ATF7IP2: variants seen among roughly 807,000 people sequenced by gnomAD.
ATF7IP2 encodes the protein activating transcription factor 7-interacting protein 2.
In ATF7IP2, 42 loss-of-function variants were observed where a neutral mutation model predicts 64.2. That is an observed-to-expected ratio of 0.65 (90% confidence interval 0.51 to 0.85). ATF7IP2 has a LOEUF of 0.85. Ranked by LOEUF, ATF7IP2 falls within the 40% of genes least tolerant of loss-of-function variation. ATF7IP2 has a pLI of 0.00. For missense variants in ATF7IP2, 933 were observed against 784.2 expected (o/e 1.19, Z -2.27); for synonymous variants, 308 against 272.8 (o/e 1.13, Z -1.27).
intron 1 of ATF7IP2, among the ~76,000 whole-genome samples, chr16:10,405,528 G>A (rs1467281996): frequency 1.3e-5 from 2 of 152,140 alleles, no homozygotes; most frequent in Non-Finnish European, 2.9e-5. Flanking sequence ...AGGGGCTTGG[G>A]CCGTGAGAAA....
At chr16:10,475,255 C>T (rs2049960844) in intron 12 of ATF7IP2, among the ~76,000 whole-genome samples, 1 of 152,172 alleles carries the variant, frequency 6.6e-6, no homozygotes, top group Non-Finnish European at 1.5e-5. Flanking sequence ...TTACAAGGCT[C>T]TTAAATGGAG....
chr16:10,427,833 G>A (rs2141861767), intron 3 of ATF7IP2, among the ~76,000 whole-genome samples: 1 of 148,574 alleles, frequency 6.7e-6, no homozygotes, highest in African/African-American at 2.5e-5. Flanking sequence ...CTGGGTAACA[G>A]AGCAGCAAGA....
At chr16:10,476,098 A>G (rs2049998757) in intron 12 of ATF7IP2, among the ~76,000 whole-genome samples, 2 of 152,214 alleles carry the variant, frequency 1.3e-5, no homozygotes, top group African/African-American at 2.4e-5. Context: ...GCTGTTGGCT[A>G]AAAATGTAAA....
At chr16:10,388,866 G>A (rs953617002) in intron 1 of ATF7IP2, among the ~76,000 whole-genome samples, 1 of 152,122 alleles carries the variant, frequency 6.6e-6, no homozygotes, top group Non-Finnish European at 1.5e-5. Flanking sequence ...AAAAAAATTA[G>A]CCGGGCGTGG....
chr16:10,471,948 GT>G (rs917063952), intron 9 of ATF7IP2, 161 bp from the exon 10 acceptor site: 6 of 435,212 alleles, frequency 1.4e-5, no homozygotes, highest in African/African-American at 6.1e-5. Flanking sequence ...AATAAATGGA[GT>G]TTTTTTGGGT....
At chr16:10,426,146 A>G (rs1052294120) in intron 3 of ATF7IP2, among the ~76,000 whole-genome samples, 1 of 152,240 alleles carries the variant, frequency 6.6e-6, no homozygotes, top group Non-Finnish European at 1.5e-5. Flanking sequence ...ATATAATTAA[A>G]ACTTGAGAAA....
At chr16:10,400,087 C>G (rs1236900760) in intron 1 of ATF7IP2, among the ~76,000 whole-genome samples, 3 of 152,182 alleles carry the variant, frequency 2.0e-5, no homozygotes, top group African/African-American at 7.2e-5. Context: ...GTCAGCCAGG[C>G]TGGAGTACAG....
At chr16:10,477,482 T>C (rs1324476391) in intron 12 of ATF7IP2, among the ~76,000 whole-genome samples, 4 of 152,114 alleles carry the variant, frequency 2.6e-5, no homozygotes, top group Non-Finnish European at 4.4e-5. Context: ...TATCTCAAAA[T>C]AATAAGAGCT....
intron 6 of ATF7IP2, among the ~76,000 whole-genome samples, chr16:10,433,941 C>T: frequency 6.6e-6 from 1 of 152,158 alleles, no homozygotes; most frequent in East Asian, 1.9e-4. Context: ...TCATATTTGT[C>T]TGTAAGTCAG....
intron 8 of ATF7IP2, among the ~76,000 whole-genome samples, chr16:10,441,644 G>A (rs2048626706): frequency 6.6e-6 from 1 of 151,954 alleles, no homozygotes; most frequent in African/African-American, 2.4e-5. Flanking sequence ...CTGGACATTA[G>A]CCCTTTGTCA....
intron 6 of ATF7IP2, among the ~76,000 whole-genome samples, chr16:10,435,172 T>C (rs2048379755): frequency 1.3e-5 from 2 of 152,246 alleles, no homozygotes; most frequent in African/African-American, 4.8e-5. Flanking sequence ...TCTAGATGTT[T>C]ACCTTGTTTG....
intron 9 of ATF7IP2, among the ~76,000 whole-genome samples, chr16:10,461,832 A>C (rs1438778850): frequency 3.9e-5 from 6 of 152,166 alleles, no homozygotes; most frequent in Non-Finnish European, 5.9e-5. Flanking sequence ...GTATTTATTT[A>C]ATGGAAAATA....
Position 10,398,075 on chromosome 16 carries a change from C to T in ATF7IP2, c.-242+11953C>T, listed in dbSNP as rs144610185. Reference sequence around the variant, plus strand: ...ATCCCAGCACTTTGGGAGGCTGAGGCGGGTGGATCATGAGGTCAGGAGTTT... The same window carrying T: ...ATCCCAGCACTTTGGGAGGCTGAGGTGGGTGGATCATGAGGTCAGGAGTTT... On this transcript the variant is annotated intron_variant, in intron 1 of 13. Coordinates refer to ENST00000562102, the MANE Select transcript of ATF7IP2 (RefSeq NM_001393719.1). Among the ~76,000 whole-genome samples, 76 of 151,658 alleles carry T rather than the reference C, an allele frequency of 5.0e-4. 1 individual carries two copies. The East Asian group carries it at 0.012, about 24-fold the overall frequency.
Position 10,480,827 on chromosome 16 carries a change from G to A in ATF7IP2, c.1550-52G>A. On this transcript the variant is annotated intron_variant, in intron 12 of 13. Coordinates refer to ENST00000562102, the MANE Select transcript of ATF7IP2 (RefSeq NM_001393719.1). ...TGTAAACTATAGCTTAAAGGCTATG[G>A]AATTGATTATTGCAGATAAGATTTA... is the stretch of plus-strand genomic sequence containing the variant. The A allele has an allele frequency of 3.3e-6, 4 of 1,197,138 alleles. No homozygotes were observed. In the South Asian group the frequency reaches 4.9e-5, roughly 15 times the overall value. The allele number at this position is 1,197,138 out of a possible 1,614,324, so 74.2% of individuals were successfully genotyped here.
chr16:10,437,337 C>T (rs750744902), intron 6 of ATF7IP2, among the ~76,000 whole-genome samples: 1 of 152,132 alleles, frequency 6.6e-6, no homozygotes, highest in Non-Finnish European at 1.5e-5. Context: ...TCAGTTTTAG[C>T]ACCGTGCTCT....
At chr16:10,432,617 C>A (rs563917641) in intron 5 of ATF7IP2, among the ~76,000 whole-genome samples, 2 of 152,222 alleles carry the variant, frequency 1.3e-5, no homozygotes, top group South Asian at 4.2e-4. Flanking sequence ...GAATACAATC[C>A]CAGCACTTTG....
intron 8 of ATF7IP2, among the ~76,000 whole-genome samples, chr16:10,456,653 A>G (rs993240426): frequency 3.3e-5 from 5 of 152,140 alleles, no homozygotes; most frequent in African/African-American, 9.7e-5. Flanking sequence ...ATTCAGGAAA[A>G]GTTGGCCTAT....
chr16:10,430,778 T>A lies in ATF7IP2; in HGVS notation c.158T>A (p.Phe53Tyr). Residue 53 changes from phenylalanine to tyrosine, a missense_variant, in exon 5 of 14, where the codon TTC becomes TAC. Physicochemically the swap from Phe to Tyr is conservative, Grantham distance 22. Coordinates refer to ENST00000562102, the MANE Select transcript of ATF7IP2 (RefSeq NM_001393719.1). ...GSNVPSGNQS[F>Y]SPSVITRTTE... is the part of the protein sequence containing the mutation. ...AATGTTCCAAGCGGTAATCAGAGTT[T>A]CAGTCCTAGTGTCATAACTAGGACG... The A allele has an allele frequency of 1.3e-6, 2 of 1,592,790 alleles. No homozygotes were observed. Among genetic ancestry groups the A allele is most frequent in the South Asian group, 1.1e-5 (1 of 89,958 alleles).
At chr16:10,480,843 A>C (rs1418507228) in intron 12 of ATF7IP2, 36 bp from the exon 13 acceptor site, 2 of 1,392,918 alleles carry the variant, frequency 1.4e-6, no homozygotes, top group Admixed American at 3.4e-5. Flanking sequence ...ATTATTGCAG[A>C]TAAGATTTAC....
Sources: gnomAD v4.1 joint callset for allele counts (sites outside exome capture counted in the v4.1 genomes callset) on GRCh38, gnomAD v4.1.1 for gene constraint, MANE v1.5 for transcripts, NCBI Gene and HGNC (gene_info 2026-07-23, HGNC 2026-07-21) for gene names.